Variants in ZNF138 observed in about 807,000 individuals in gnomAD.
The protein encoded by ZNF138 is zinc finger protein 138.
A neutral mutation model predicts 33.0 loss-of-function variants in ZNF138; 33 were observed. The ratio of observed to expected loss-of-function variants is 1.00; its 90% CI spans 0.76 to 1.34. ZNF138 has a LOEUF of 1.34. ZNF138 is among the 40% of genes most tolerant of loss of function. The probability of loss-of-function intolerance (pLI) is 0.00; values close to 1 mark genes in which losing one functional copy is unlikely to be tolerated. For missense variants in ZNF138, 360 were observed against 370.8 expected, an observed-to-expected ratio of 0.97 and a Z score of 0.24; for synonymous variants, 139 against 120.4, an observed-to-expected ratio of 1.15 and a Z score of -1.01.
chr7:64,817,618 C>T (rs1421677170), intron 3 of ZNF138, among the ~76,000 whole-genome samples: 1 of 152,160 alleles, frequency 6.6e-6, no homozygotes, highest in Non-Finnish European at 1.5e-5. Flanking sequence ...GCTGTCATTA[C>T]AGGTGTGAGC....
At chr7:64,846,637 T>A in the ZNF138 span, among the ~76,000 whole-genome samples, 2 of 152,188 alleles carry the variant, frequency 1.3e-5, no homozygotes, top group African/African-American at 4.8e-5. Context: ...TTGCTGAATT[T>A]ATCAGTTTTA....
At chr7:64,837,585 G>A (rs550027862), downstream of ZNF138, among the ~76,000 whole-genome samples, 10 of 152,218 alleles carry the variant, frequency 6.6e-5, no homozygotes, top group African/African-American at 2.4e-4. Context: ...GGGAAGTAAG[G>A]TTACCCAAGA....
intron 1 of ZNF138, among the ~76,000 whole-genome samples, chr7:64,799,669 G>T (rs1002406903): frequency 1.7e-4 from 26 of 151,982 alleles, no homozygotes; most frequent in African/African-American, 6.3e-4. Flanking sequence ...TTGAGATGGA[G>T]TTTCGCTCTT....
intron 1 of ZNF138, among the ~76,000 whole-genome samples, chr7:64,797,708 AGTT>A (rs1786802521): frequency 6.6e-6 from 1 of 152,186 alleles, no homozygotes; most frequent in African/African-American, 2.4e-5. Flanking sequence ...CTCAGGATGA[AGTT>A]GTTATTGTTT....
chr7:64,845,040 G>C, the ZNF138 span, among the ~76,000 whole-genome samples: 1 of 152,138 alleles, frequency 6.6e-6, no homozygotes, highest in Non-Finnish European at 1.5e-5. Flanking sequence ...CACCTGAGCA[G>C]TGTATAATTA....
chr7:64,814,983 T>C lies in ZNF138; in HGVS notation c.69T>C (p.Thr23=), dbSNP rs1229663536. The C allele has an allele frequency of 1.2e-6, 2 of 1,613,306 alleles. No homozygotes were observed. The highest frequency in any genetic ancestry group is 1.7e-6 in the Non-Finnish European group (2 of 1,179,594). ...TGGAGGAGTGGCAGTGCCTGGACACTGCACAGCGGAATGTATATAGGCATG... is the reference window on the plus strand; with the variant it reads ...TGGAGGAGTGGCAGTGCCTGGACACCGCACAGCGGAATGTATATAGGCATG... ...FSLEEWQCLD[T]AQRNVYRHVM... is the part of the protein sequence containing the mutation. Residue 23 remains threonine (T), a synonymous_variant, in exon 2 of 4, where the codon ACT becomes ACC. Coordinates refer to ENST00000307355, the MANE Select transcript of ZNF138 (RefSeq NM_001271639.2).
chr7:64,840,382 TAATG>T, the ZNF138 span, among the ~76,000 whole-genome samples: 3 of 152,198 alleles, frequency 2.0e-5, no homozygotes, highest in African/African-American at 7.2e-5. Context: ...GCAAATAAAT[TAATG>T]AATATCGTTC....
At chr7:64,824,379 C>T (rs1299646238) in intron 3 of ZNF138, among the ~76,000 whole-genome samples, 2 of 152,214 alleles carry the variant, frequency 1.3e-5, no homozygotes, top group Admixed American at 1.3e-4. Context: ...CTGACACACA[C>T]TTCTTGTACA....
chr7:64,842,414 C>A, the ZNF138 span, among the ~76,000 whole-genome samples: 2,840 of 152,212 alleles, frequency 0.019, 88 homozygotes, highest in African/African-American at 0.065. Context: ...AATAAAATGA[C>A]CTCTGTGGAT....
chr7:64,794,710 C>T lies in ZNF138; in HGVS notation c.3+139C>T, dbSNP rs889673005. On this transcript the variant is annotated intron_variant, in intron 1 of 3. Coordinates refer to ENST00000307355, the MANE Select transcript of ZNF138 (RefSeq NM_001271639.2). ...CCCCGAGTTCTTGGCACAGCTCGGCCCTCAGTCCCCTTAAGCCATAGCATG... is the reference window on the plus strand; with the variant it reads ...CCCCGAGTTCTTGGCACAGCTCGGCTCTCAGTCCCCTTAAGCCATAGCATG... 4.7e-6 allele frequency: 6 copies of T among 1,282,614 alleles called. No individual in the cohort carries two copies. In the African/African-American group the frequency reaches 5.9e-5, roughly 13 times the overall value. The allele number at this position is 1,282,614 out of a possible 1,614,324, so 79.5% of individuals were successfully genotyped here. A position where few individuals can be genotyped will look rare whatever the true frequency, so the allele number is the denominator to read the frequency against.
At position 64,796,262 on chromosome 7, in the gene ZNF138, C is replaced by T. The variant is rs542393308; in HGVS notation, c.3+1691C>T. On this transcript the variant is annotated intron_variant, in intron 1 of 3. Transcript: ENST00000307355. ...AAGTGAAATGTACTTGGGGCAGTCA[C>T]TGAGGCATAGTGCAGCGTCTTCAGA... Among the ~76,000 whole-genome samples the T allele has an allele frequency of 2.6e-5, 4 of 152,308 alleles. No homozygotes were observed. In the East Asian group the frequency reaches 7.7e-4, roughly 29 times the overall value.
intron 3 of ZNF138, chr7:64,831,128 G>A (rs751868227): frequency 1.4e-5 from 21 of 1,549,450 alleles, no homozygotes; most frequent in Non-Finnish European, 1.8e-5. Context: ...AGAGTTGGCA[G>A]TTTACTTCTA....
At chr7:64,852,142 A>T in the ZNF138 span, among the ~76,000 whole-genome samples, 1 of 152,248 alleles carries the variant, frequency 6.6e-6, no homozygotes, top group Non-Finnish European at 1.5e-5. Context: ...TTCAAAATGT[A>T]TCAACAGTAT....
intron 3 of ZNF138, among the ~76,000 whole-genome samples, chr7:64,826,288 T>G (rs2129012379): frequency 6.6e-6 from 1 of 152,348 alleles, no homozygotes; most frequent in South Asian, 2.1e-4. Context: ...ATTTGTTTAT[T>G]TATTTATTGA....
At chr7:64,806,990 T>G (rs1380458075) in intron 1 of ZNF138, among the ~76,000 whole-genome samples, 1 of 152,148 alleles carries the variant, frequency 6.6e-6, no homozygotes, top group Non-Finnish European at 1.5e-5. Flanking sequence ...TTTACCGGAA[T>G]AAGGGCAAGG....
At chr7:64,826,617 A>G (rs1217484697) in intron 3 of ZNF138, among the ~76,000 whole-genome samples, 1 of 149,854 alleles carries the variant, frequency 6.7e-6, no homozygotes, top group Admixed American at 6.7e-5. Context: ...TAATATATTA[A>G]TATTTCATTT....
chr7:64,855,066 G>T, the ZNF138 span, among the ~76,000 whole-genome samples: 1 of 152,176 alleles, frequency 6.6e-6, no homozygotes, highest in African/African-American at 2.4e-5. Flanking sequence ...ATGTAGCCAT[G>T]TAACTAACAG....
chr7:64,837,445 G>T (rs545592164), downstream of ZNF138, among the ~76,000 whole-genome samples: 14 of 152,266 alleles, frequency 9.2e-5, 1 homozygote, highest in South Asian at 2.9e-3. Context: ...GTGAGGTAGG[G>T]CAGGTACGTG....
the ZNF138 span, among the ~76,000 whole-genome samples, chr7:64,845,044 A>G: frequency 6.6e-6 from 1 of 152,114 alleles, no homozygotes; most frequent in Non-Finnish European, 1.5e-5. Context: ...TGAGCAGTGT[A>G]TAATTAACCC....
Sources: allele counts gnomAD v4.1 joint callset (sites outside exome capture counted in the v4.1 genomes callset), GRCh38; gene constraint gnomAD v4.1.1; transcripts MANE v1.5; gene names NCBI Gene and HGNC (gene_info 2026-07-23, HGNC 2026-07-21).